Variants in GRIK4 observed in about 807,000 individuals in gnomAD.
GRIK4 encodes the protein glutamate ionotropic receptor kainate type subunit 4.
In GRIK4, 40 loss-of-function variants were observed where a neutral mutation model predicts 104.9. That is an observed-to-expected ratio of 0.38 (90% confidence interval 0.30 to 0.50). GRIK4 has a LOEUF of 0.50. Among genes scored for constraint, GRIK4 ranks in the 20% least tolerant of loss-of-function variants. GRIK4 has a pLI of 0.93. For missense variants in GRIK4, 1,047 were observed against 1,308.1 expected, an observed-to-expected ratio of 0.80 and a Z score of 3.08; for synonymous variants, 485 against 524.9, an observed-to-expected ratio of 0.92 and a Z score of 1.04.
intron 1 of GRIK4, among the ~76,000 whole-genome samples, chr11:120,622,781 C>G (rs1432954080): frequency 6.6e-6 from 1 of 152,250 alleles, no homozygotes; most frequent in African/African-American, 2.4e-5. Flanking sequence ...CTTGCAGCAT[C>G]TGGTGGCTTT....
intron 11 of GRIK4, among the ~76,000 whole-genome samples, chr11:120,887,177 C>T (rs1472206104): frequency 1.3e-5 from 2 of 152,186 alleles, no homozygotes; most frequent in South Asian, 2.1e-4. Context: ...ACCTTCATTT[C>T]GTTCAGCTCA....
intron 4 of GRIK4, among the ~76,000 whole-genome samples, chr11:120,806,555 A>G (rs996730902): frequency 1.3e-5 from 2 of 152,184 alleles, no homozygotes; most frequent in East Asian, 1.9e-4. Flanking sequence ...ACTCTGCTTC[A>G]GGGGGATGAA....
At chr11:120,594,350 A>T (rs1591721899) in intron 1 of GRIK4, among the ~76,000 whole-genome samples, 1 of 152,246 alleles carries the variant, frequency 6.6e-6, no homozygotes, top group East Asian at 1.9e-4. Flanking sequence ...AGTGGCATTT[A>T]CCTGTTGTCC....
intron 3 of GRIK4, among the ~76,000 whole-genome samples, chr11:120,742,900 G>A (rs1421260434): frequency 3.9e-5 from 6 of 152,170 alleles, no homozygotes; most frequent in Admixed American, 2.6e-4. Context: ...TGAAGAAAAT[G>A]TGGTACATAT....
rs550833661 is a variant in GRIK4, at chr11:120,861,949, G to T, written c.745-10G>T. The T allele has an allele frequency of 6.2e-7, 1 of 1,607,340 alleles. No homozygotes were observed. The highest frequency in any genetic ancestry group is 8.5e-7 in the Non-Finnish European group (1 of 1,174,274). On this transcript the variant is annotated splice_polypyrimidine_tract_variant and intron_variant, in intron 8 of 20. Coordinates refer to ENST00000527524, the MANE Select transcript of GRIK4 (RefSeq NM_014619.5). ...ACTACATTCTTATTTCTGATGCTGGGTCTTTCCAGGAGTTCTCACTCCAGA... is the reference window on the plus strand; with the variant it reads ...ACTACATTCTTATTTCTGATGCTGGTTCTTTCCAGGAGTTCTCACTCCAGA...
At chr11:120,644,134 GT>G (rs903385523) in intron 1 of GRIK4, among the ~76,000 whole-genome samples, 13 of 151,518 alleles carry the variant, frequency 8.6e-5, no homozygotes, top group South Asian at 2.1e-4. Context: ...GTGACACAGG[GT>G]TTTTTTTATT....
chr11:120,595,932 C>T (rs1277403292), intron 1 of GRIK4, among the ~76,000 whole-genome samples: 2 of 152,198 alleles, frequency 1.3e-5, no homozygotes, highest in East Asian at 3.9e-4. Context: ...CTGCAACTTC[C>T]ACCTCCCGGG....
chr11:120,712,181 A>G (rs895160953), intron 3 of GRIK4, among the ~76,000 whole-genome samples: 6 of 152,300 alleles, frequency 3.9e-5, no homozygotes, highest in African/African-American at 9.6e-5. Flanking sequence ...GTGCAGGGGC[A>G]CCCAGCCTGC....
intron 13 of GRIK4, among the ~76,000 whole-genome samples, chr11:120,935,085 G>A (rs1943567993): frequency 6.6e-6 from 1 of 152,210 alleles, no homozygotes; most frequent in African/African-American, 2.4e-5. Flanking sequence ...CTTAAGCAAA[G>A]TGGGGACCAC....
chr11:120,890,207 A>C (rs1955245185), intron 11 of GRIK4, among the ~76,000 whole-genome samples: 1 of 152,206 alleles, frequency 6.6e-6, no homozygotes, highest in African/African-American at 2.4e-5. Context: ...TATCAACAAC[A>C]ACAACGCTGT....
intron 11 of GRIK4, 61 bp from the exon 12 acceptor site, chr11:120,898,471 T>C (rs979494924): frequency 7.4e-6 from 7 of 942,038 alleles, no homozygotes; most frequent in Non-Finnish European, 1.2e-5. Context: ...GTCAGCCTCT[T>C]GGCTCCTTCC....
At chr11:120,863,380 G>T (rs1954312324) in intron 9 of GRIK4, among the ~76,000 whole-genome samples, 1 of 152,214 alleles carries the variant, frequency 6.6e-6, no homozygotes, top group Non-Finnish European at 1.5e-5. Context: ...ATACCATATA[G>T]CCTAGGAGTG....
intron 19 of GRIK4, among the ~76,000 whole-genome samples, chr11:120,981,276 A>G (rs1944647920): frequency 6.6e-6 from 1 of 152,202 alleles, no homozygotes; most frequent in Non-Finnish European, 1.5e-5. Flanking sequence ...TCCTATAAGT[A>G]TTTATTGACT....
intron 11 of GRIK4, among the ~76,000 whole-genome samples, chr11:120,879,739 G>A (rs1016469607): frequency 2.0e-5 from 3 of 152,174 alleles, no homozygotes; most frequent in Non-Finnish European, 4.4e-5. Flanking sequence ...GAAGTTGACA[G>A]TATTGTTTCA....
At position 120,532,697 on chromosome 11, in the gene GRIK4, T is replaced by G. The variant is rs938606925; in HGVS notation, c.-159+20810T>G. On this transcript the variant is annotated intron_variant, in intron 1 of 20. Coordinates refer to ENST00000527524, the MANE Select transcript of GRIK4 (RefSeq NM_014619.5). ...TTTCTGGCACTGGCCTTGGCCTTCT[T>G]GCAGTTACTAGTCCCTCCCAAGTGG... Among the ~76,000 whole-genome samples the G allele has an allele frequency of 2.0e-5, 3 of 152,230 alleles. No individual in the cohort carries two copies. In the South Asian group the frequency reaches 6.2e-4, roughly 32 times the overall value.
At chr11:120,961,163 G>A (rs963757844) in intron 17 of GRIK4, 89 bp downstream of exon 17, 16 of 1,192,192 alleles carry the variant, frequency 1.3e-5, no homozygotes, top group East Asian at 9.4e-5. Flanking sequence ...ACATCTCTCC[G>A]CATCTCATTA....
chr11:120,935,972 A>AT (rs1301404261), intron 13 of GRIK4: 1 of 196,302 alleles, frequency 5.1e-6, no homozygotes, highest in Non-Finnish European at 1.0e-5. Context: ...TGGGTTGTGT[A>AT]TGGGGGGGTG....
intron 1 of GRIK4, among the ~76,000 whole-genome samples, chr11:120,651,158 G>A (rs1949614418): frequency 6.6e-6 from 1 of 152,188 alleles, no homozygotes; most frequent in African/African-American, 2.4e-5. Flanking sequence ...GGAAAGATGA[G>A]GATGCCATCA....
At chr11:120,530,726 A>G (rs933062158) in intron 1 of GRIK4, among the ~76,000 whole-genome samples, 14 of 152,264 alleles carry the variant, frequency 9.2e-5, no homozygotes, top group African/African-American at 2.9e-4. Flanking sequence ...GAAGGTTCTA[A>G]GTCTCTGAAA....
Sources: gnomAD v4.1 joint callset for allele counts (sites outside exome capture counted in the v4.1 genomes callset) on GRCh38, gnomAD v4.1.1 for gene constraint, MANE v1.5 for transcripts, NCBI Gene and HGNC (gene_info 2026-07-23, HGNC 2026-07-21) for gene names.